Variants in AGBL4 observed in about 807,000 individuals in gnomAD.
AGBL4 encodes AGBL carboxypeptidase 4, also known as cytosolic carboxypeptidase 6.
Under a neutral mutation model 66.4 loss-of-function variants are expected in AGBL4, and 58 were observed. That is an observed-to-expected ratio of 0.87 (90% CI 0.71 to 1.09). AGBL4 has a LOEUF of 1.09. AGBL4 is among the 50% of genes least tolerant of loss of function. The probability of loss-of-function intolerance (pLI) is 0.00; values close to 1 mark genes in which losing one functional copy is unlikely to be tolerated. For missense variants in AGBL4, 579 were observed against 631.0 expected (o/e 0.92, Z 0.88); for synonymous variants, 234 against 222.9 (o/e 1.05, Z -0.44).
intron 6 of AGBL4, among the ~76,000 whole-genome samples, chr1:48,693,010 T>G (rs1360763366): frequency 6.6e-6 from 1 of 152,212 alleles, no homozygotes; most frequent in Non-Finnish European, 1.5e-5. Flanking sequence ...CCATGGTCAC[T>G]GAGTTGGTAA....
intron 1 of AGBL4, among the ~76,000 whole-genome samples, chr1:49,977,413 A>G (rs1658658521): frequency 6.6e-6 from 1 of 152,218 alleles, no homozygotes; most frequent in Non-Finnish European, 1.5e-5. Flanking sequence ...CTTTTATATT[A>G]TCTTCTGTAG....
chr1:49,364,693 G>A (rs1025309202), intron 3 of AGBL4, among the ~76,000 whole-genome samples: 1 of 152,166 alleles, frequency 6.6e-6, no homozygotes, highest in African/African-American at 2.4e-5. Context: ...GGCCAGGCTG[G>A]TCTTGAACTC....
intron 4 of AGBL4, among the ~76,000 whole-genome samples, chr1:49,216,877 A>G (rs1649133087): frequency 6.6e-6 from 1 of 152,150 alleles, no homozygotes; most frequent in South Asian, 2.1e-4. Flanking sequence ...GTGCCCAGCC[A>G]TGTATGAATT....
Position 49,159,603 on chromosome 1 carries a change from G to A in AGBL4, c.377+86167C>T, listed in dbSNP as rs979448929. On this transcript the variant is annotated intron_variant, in intron 4 of 13. Coordinates refer to ENST00000371839, the MANE Select transcript of AGBL4 (RefSeq NM_032785.4). ...TCTGTATTTCCTGAATTTGAATGTT[G>A]GCCTGTCTTGCTAGGTTGGGGAAGT... Among the ~76,000 whole-genome samples, 5 of 152,152 alleles carry A rather than the reference G, an allele frequency of 3.3e-5. No individual in the cohort carries two copies. The South Asian group carries it at 1.0e-3, about 32-fold the overall frequency.
At chr1:48,641,695 T>C (rs1372034495) in intron 8 of AGBL4, among the ~76,000 whole-genome samples, 3 of 152,180 alleles carry the variant, frequency 2.0e-5, no homozygotes, top group South Asian at 2.1e-4. Flanking sequence ...TGACTCTCAG[T>C]TGAACTGTAT....
chr1:48,722,718 C>T (rs113019265), intron 6 of AGBL4, among the ~76,000 whole-genome samples: 25 of 152,248 alleles, frequency 1.6e-4, no homozygotes, highest in Non-Finnish European at 3.1e-4. Flanking sequence ...GCCTTATTGG[C>T]TCAATATGAG....
At chr1:49,278,647 A>G (rs1463614955) in intron 3 of AGBL4, among the ~76,000 whole-genome samples, 1 of 152,152 alleles carries the variant, frequency 6.6e-6, no homozygotes, top group Non-Finnish European at 1.5e-5. Flanking sequence ...GTTCAGTCTC[A>G]GTCTCAGTCA....
chr1:49,487,675 C>A (rs534981237), intron 3 of AGBL4, among the ~76,000 whole-genome samples: 2 of 152,046 alleles, frequency 1.3e-5, no homozygotes, highest in South Asian at 4.2e-4. Context: ...AAACCTCTTC[C>A]CTTTATAAAT....
chr1:49,286,442 T>G (rs1644411918), intron 3 of AGBL4, among the ~76,000 whole-genome samples: 1 of 152,170 alleles, frequency 6.6e-6, no homozygotes, highest in Non-Finnish European at 1.5e-5. Flanking sequence ...GCAGATGACA[T>G]GATTGTATAT....
intron 6 of AGBL4, among the ~76,000 whole-genome samples, chr1:48,683,990 G>A (rs1646493291): frequency 6.6e-6 from 1 of 152,194 alleles, no homozygotes; most frequent in African/African-American, 2.4e-5. Context: ...CCTGGAAAAT[G>A]TGCCCAGAGA....
At chr1:50,020,052 A>C (rs1662327050) in intron 1 of AGBL4, among the ~76,000 whole-genome samples, 1 of 151,958 alleles carries the variant, frequency 6.6e-6, no homozygotes, top group African/African-American at 2.4e-5. Flanking sequence ...TTTACATATA[A>C]AAGCATGCTT....
At chr1:49,204,920 CAA>C (rs1358112121) in intron 4 of AGBL4, among the ~76,000 whole-genome samples, 1 of 152,096 alleles carries the variant, frequency 6.6e-6, no homozygotes, top group Non-Finnish European at 1.5e-5. Context: ...TTCAGAGAGG[CAA>C]AATGATTGCC....
At chr1:48,871,093 A>C (rs1648607538) in intron 5 of AGBL4, among the ~76,000 whole-genome samples, 1 of 152,220 alleles carries the variant, frequency 6.6e-6, no homozygotes, top group South Asian at 2.1e-4. Flanking sequence ...CACATGGTTT[A>C]TAGAATTTGA....
At chr1:49,031,794 T>C (rs555591407) in intron 5 of AGBL4, among the ~76,000 whole-genome samples, 3 of 152,226 alleles carry the variant, frequency 2.0e-5, no homozygotes, top group East Asian at 3.9e-4. Flanking sequence ...TCCTTACGCA[T>C]AGAGCAGTAT....
Position 48,745,319 on chromosome 1 carries a change from A to G in AGBL4, c.635-82078T>C, listed in dbSNP as rs138150593. Among the ~76,000 whole-genome samples, 432 of 152,258 alleles carry G rather than the reference A, an allele frequency of 2.8e-3. 5 individuals are homozygous for G. The highest frequency in any genetic ancestry group is 3.7e-3 in the Non-Finnish European group (253 of 68,012). ...TCTGTAATCTTTCTTGGAGTCCGAG[A>G]AGTAGAAATCAGGGCTGTTAAGTTG... On this transcript the variant is annotated intron_variant, in intron 6 of 13. Coordinates refer to ENST00000371839, the MANE Select transcript of AGBL4 (RefSeq NM_032785.4).
intron 6 of AGBL4, among the ~76,000 whole-genome samples, chr1:48,773,789 G>A (rs1417010819): frequency 3.9e-5 from 6 of 152,098 alleles, no homozygotes; most frequent in South Asian, 4.1e-4. Context: ...TCTGAGCTTC[G>A]GTGTCCTCAT....
chr1:49,444,485 G>C (rs1198765286), intron 3 of AGBL4, among the ~76,000 whole-genome samples: 1 of 151,966 alleles, frequency 6.6e-6, no homozygotes, highest in African/African-American at 2.4e-5. Flanking sequence ...TTAAAGTGGA[G>C]ATATCTTCTT....
chr1:49,908,177 C>T (rs1403694155), intron 1 of AGBL4, among the ~76,000 whole-genome samples: 1 of 152,038 alleles, frequency 6.6e-6, no homozygotes, highest in African/African-American at 2.4e-5. Context: ...GAGTTCAAGA[C>T]CAGCCTGGGC....
chr1:49,100,135 G>A (rs1042455378), intron 4 of AGBL4, among the ~76,000 whole-genome samples: 7 of 152,180 alleles, frequency 4.6e-5, no homozygotes, highest in African/African-American at 1.7e-4. Flanking sequence ...GTTCAAACCT[G>A]CTGAAGGAGG....
Sources: gnomAD v4.1 joint callset for allele counts (sites outside exome capture counted in the v4.1 genomes callset) on GRCh38, gnomAD v4.1.1 for gene constraint, MANE v1.5 for transcripts, NCBI Gene and HGNC (gene_info 2026-07-23, HGNC 2026-07-21) for gene names.